DEUP1: variants seen among roughly 807,000 people sequenced by gnomAD.
The protein encoded by DEUP1 is deuterosome assembly protein 1, also known as coiled-coil domain containing 67.
In DEUP1, 82 loss-of-function variants were observed where a neutral mutation model predicts 87.4. The observed-to-expected ratio is 0.94, with a 90% CI of 0.78 to 1.13. DEUP1 has a LOEUF of 1.13. Ranked by LOEUF, DEUP1 falls within the 50% of genes most tolerant of loss-of-function variation. The pLI is 0.00. For synonymous variants in DEUP1, 214 were observed against 222.7 expected, an observed-to-expected ratio of 0.96 and a Z score of 0.35; for missense variants, 663 against 681.5, an observed-to-expected ratio of 0.97 and a Z score of 0.30.
Position 93,437,729 on chromosome 11 carries a change from C to CT in DEUP1, c.*16dup. The stretch of plus-strand genomic sequence containing the variant: ...AAATAGACACATATGAGCTTTTAAA[C>CT]TTTTTTATTTGCTTCCCCCCCCCAC... On this transcript the variant is annotated 3_prime_UTR_variant, in exon 14 of 14. Coordinates refer to ENST00000298050, the MANE Select transcript of DEUP1 (RefSeq NM_181645.4). The CT allele has an allele frequency of 6.7e-7, 1 of 1,493,138 alleles. No individual in the cohort carries two copies. The highest frequency in any genetic ancestry group is 9.2e-7 in the Non-Finnish European group (1 of 1,089,976). The allele number at this position is 1,493,138 out of a possible 1,614,324, so 92.5% of individuals were successfully genotyped here.
intron 13 of DEUP1, among the ~76,000 whole-genome samples, chr11:93,434,487 G>A (rs1948185020): frequency 6.6e-6 from 1 of 152,170 alleles, no homozygotes; most frequent in Non-Finnish European, 1.5e-5. Context: ...CACTGCCTCT[G>A]TTATGCAGTA....
chr11:93,388,502 T>C (rs1002549004), intron 8 of DEUP1, among the ~76,000 whole-genome samples: 4 of 152,208 alleles, frequency 2.6e-5, no homozygotes, highest in Admixed American at 2.6e-4. Flanking sequence ...TAATATGTGG[T>C]TGCAATTCCA....
chr11:93,368,375 C>T (rs1428827693), intron 5 of DEUP1, among the ~76,000 whole-genome samples: 1 of 152,194 alleles, frequency 6.6e-6, no homozygotes, highest in Non-Finnish European at 1.5e-5. Context: ...TCTCACACTG[C>T]TATAATGAAC....
intron 7 of DEUP1, chr11:93,383,526 C>T: frequency 1.6e-6 from 1 of 611,674 alleles, no homozygotes; most frequent in South Asian, 2.1e-5. Flanking sequence ...GATGAAAATG[C>T]TCTGGAATAA....
chr11:93,348,530 G>A (rs1944471451), intron 2 of DEUP1, among the ~76,000 whole-genome samples: 1 of 152,174 alleles, frequency 6.6e-6, no homozygotes, highest in African/African-American at 2.4e-5. Flanking sequence ...ATGGCATGTT[G>A]TGTCTTTGTT....
At chr11:93,387,528 C>A (rs1455286065) in intron 8 of DEUP1, among the ~76,000 whole-genome samples, 1 of 151,996 alleles carries the variant, frequency 6.6e-6, no homozygotes, top group Non-Finnish European at 1.5e-5. Flanking sequence ...TTCTACATGA[C>A]AAATAATAGT....
chr11:93,412,434 A>G (rs1487905668), intron 12 of DEUP1, among the ~76,000 whole-genome samples: 1 of 152,236 alleles, frequency 6.6e-6, no homozygotes, highest in African/African-American at 2.4e-5. Flanking sequence ...GTATTTGAAT[A>G]GCTGTATTCT....
chr11:93,416,556 G>A (rs1490861766), intron 13 of DEUP1, among the ~76,000 whole-genome samples: 2 of 151,542 alleles, frequency 1.3e-5, no homozygotes, highest in East Asian at 1.9e-4. Context: ...CAACCAAAAA[G>A]AGTCCAGGAC....
chr11:93,332,293 G>A lies in DEUP1; in HGVS notation c.29+5G>A, dbSNP rs1285398812. The A allele has an allele frequency of 8.1e-6, 13 of 1,606,160 alleles. No homozygotes were observed. Among genetic ancestry groups the A allele is most frequent in the African/African-American group, 2.7e-5 (2 of 74,852 alleles). On this transcript the variant is annotated splice_donor_5th_base_variant and intron_variant, in intron 2 of 13. Transcript: ENST00000298050. ...CCAAGCCCATAATACGATGGGGTAA[G>A]TGCTGAGAAATTTCTGTTTAATAAG...
chr11:93,401,460 C>G, intron 11 of DEUP1, among the ~76,000 whole-genome samples: 1 of 151,766 alleles, frequency 6.6e-6, no homozygotes, highest in Non-Finnish European at 1.5e-5. Flanking sequence ...AATTTATATG[C>G]AAACACAGAA....
At chr11:93,429,364 G>A (rs1948033409) in intron 13 of DEUP1, among the ~76,000 whole-genome samples, 1 of 152,040 alleles carries the variant, frequency 6.6e-6, no homozygotes, top group African/African-American at 2.4e-5. Flanking sequence ...AAATTCTAAG[G>A]GGACTTTGCA....
At chr11:93,362,029 T>A (rs1394094538) in intron 4 of DEUP1, among the ~76,000 whole-genome samples, 2 of 152,038 alleles carry the variant, frequency 1.3e-5, no homozygotes, top group Non-Finnish European at 2.9e-5. Context: ...AGGAACTAAG[T>A]TGGAGCCCTA....
chr11:93,383,529 T>C (rs1946398387), intron 7 of DEUP1: 1 of 614,512 alleles, frequency 1.6e-6, no homozygotes, highest in South Asian at 2.1e-5. Flanking sequence ...GAAAATGCTC[T>C]GGAATAAAGT....
intron 11 of DEUP1, 77 bp downstream of exon 11, chr11:93,396,402 T>C (rs1405900933): frequency 1.2e-6 from 1 of 859,442 alleles, no homozygotes; most frequent in Non-Finnish European, 1.8e-6. Context: ...ACATCATTTA[T>C]TGAGCACTTG....
chr11:93,345,212 T>C (rs560249975), intron 2 of DEUP1, among the ~76,000 whole-genome samples: 3 of 152,348 alleles, frequency 2.0e-5, no homozygotes, highest in Admixed American at 6.5e-5. Flanking sequence ...GGCTGCATAG[T>C]ATTTCATGGT....
rs566601356 is a variant in DEUP1, at chr11:93,364,226, C to A, written c.364C>A (p.Arg122=). 5.6e-6 allele frequency: 9 copies of A among 1,608,520 alleles called. No homozygotes were observed. The highest frequency in any genetic ancestry group is 7.7e-6 in the Non-Finnish European group (9 of 1,175,598). The change falls in exon 5 of 14, where the codon CGA becomes AGA. Residue 122 remains arginine (R), a synonymous_variant. Coordinates refer to ENST00000298050, the MANE Select transcript of DEUP1 (RefSeq NM_181645.4). ...TCAGATGAAACAAAACAAAGTTCCA[C>A]GAAAAGAATTACCACACCTTAAAGA... is the stretch of plus-strand genomic sequence containing the variant. ...LHQMKQNKVP[R]KELPHLKEEI...
At chr11:93,356,566 C>T (rs1468311177) in intron 3 of DEUP1, among the ~76,000 whole-genome samples, 3 of 151,158 alleles carry the variant, frequency 2.0e-5, no homozygotes, top group Admixed American at 2.0e-4. Context: ...TTCATAATAC[C>T]ACTAAAACAG....
Position 93,408,266 on chromosome 11 carries a change from T to C in DEUP1, c.1362T>C (p.His454=), listed in dbSNP as rs1332139269. The C allele has an allele frequency of 1.2e-5, 19 of 1,583,862 alleles. No homozygotes were observed. Among genetic ancestry groups the C allele is most frequent in the Non-Finnish European group, 1.5e-5 (18 of 1,163,924 alleles). ...TCACTAACAGGGAACAGTCAAGGCA[T>C]ACATCTATTAATAAACTGCAATATG... ...MDFTNREQSR[H]TSINKLQYEN... Residue 454 remains histidine, a synonymous_variant, in exon 12 of 14, where the codon CAT becomes CAC. Coordinates refer to ENST00000298050, the MANE Select transcript of DEUP1 (RefSeq NM_181645.4).
chr11:93,348,350 A>T (rs571328695), intron 2 of DEUP1, among the ~76,000 whole-genome samples: 4 of 151,380 alleles, frequency 2.6e-5, no homozygotes, highest in Admixed American at 2.0e-4. Flanking sequence ...TTCAGCTCTG[A>T]TTTTATTTAT....
Sources: allele counts gnomAD v4.1 joint callset (sites outside exome capture counted in the v4.1 genomes callset), GRCh38; gene constraint gnomAD v4.1.1; transcripts MANE v1.5; gene names NCBI Gene and HGNC (gene_info 2026-07-23, HGNC 2026-07-21).